Variants in DLGAP5 observed in about 807,000 individuals in gnomAD.
DLGAP5 encodes disks large-associated protein 5.
In DLGAP5, 90 loss-of-function variants were observed where a neutral mutation model predicts 99.6. The ratio of observed to expected loss-of-function variants is 0.90; its 90% CI spans 0.76 to 1.08. The LOEUF (loss-of-function observed/expected upper bound fraction) is 1.08, where lower values mean the gene tolerates loss of function less well. Among genes scored for constraint, DLGAP5 ranks in the 50% least tolerant of loss-of-function variants. The pLI, the probability that DLGAP5 is intolerant of heterozygous loss-of-function variation, is 0.00. For synonymous variants in DLGAP5, 311 were observed against 321.3 expected, an observed-to-expected ratio of 0.97 and a Z score of 0.34; for missense variants, 1,036 against 983.5, an observed-to-expected ratio of 1.05 and a Z score of -0.71.
chr14:55,169,579 T>C lies in DLGAP5; in HGVS notation c.1388-20A>G. On this transcript the variant is annotated intron_variant, in intron 11 of 18. Coordinates refer to ENST00000247191, the MANE Select transcript of DLGAP5 (RefSeq NM_014750.5). ...CTTTAGCTGAAGGAAATAAGAGATT[T>C]TTTAAAATTAAAGGACAAAACGGGA... The C allele has an allele frequency of 6.4e-7, 1 of 1,564,044 alleles. No homozygotes were observed. The highest frequency in any genetic ancestry group is 2.3e-5 in the East Asian group (1 of 43,964).
chr14:55,182,327 G>T, intron 4 of DLGAP5, 43 bp downstream of exon 4: 1 of 1,500,622 alleles, frequency 6.7e-7, no homozygotes, highest in Admixed American at 2.0e-5. Flanking sequence ...CTAAAAAAGT[G>T]CAATTTATCA....
intron 8 of DLGAP5, 128 bp downstream of exon 8, chr14:55,176,934 C>G: frequency 4.1e-6 from 3 of 727,542 alleles, no homozygotes; most frequent in Non-Finnish European, 5.5e-6. Flanking sequence ...GGGGAGATCA[C>G]GCCACTGCAC....
chr14:55,189,086 T>A lies in DLGAP5; in HGVS notation c.94A>T (p.Lys32Ter). Residue 32 changes from lysine (K) to a stop codon, truncating the protein, a stop_gained, in exon 2 of 19, where the codon AAA (lysine) becomes TAA (stop). Coordinates refer to ENST00000247191, the MANE Select transcript of DLGAP5 (RefSeq NM_014750.5). LOFTEE classifies it high-confidence loss of function. ...TCGTATTCCTTATGTCTATTTTCTT[T>A]CTGAGACAGTGATTTCCTATGAGCA... ...KIAHRKSLSQ[K>*]ENRHKEYERN... 6.2e-7 allele frequency: 1 copy of A among 1,614,046 alleles called. No individual in the cohort carries two copies. The highest frequency in any genetic ancestry group is 8.5e-7 in the Non-Finnish European group (1 of 1,179,982).
chr14:55,154,036 AC>A (rs2140304892), intron 15 of DLGAP5, among the ~76,000 whole-genome samples: 1 of 152,330 alleles, frequency 6.6e-6, no homozygotes, highest in East Asian at 1.9e-4. Context: ...AGCCTAGGCA[AC>A]AGAGTGAGAC....
chr14:55,165,663 C>CTGAA (rs1451058867), intron 12 of DLGAP5, among the ~76,000 whole-genome samples: 1 of 152,176 alleles, frequency 6.6e-6, no homozygotes. Context: ...GCAGATAGTA[C>CTGAA]TGAACCCTAT....
intron 15 of DLGAP5, among the ~76,000 whole-genome samples, chr14:55,154,328 A>C (rs1200336174): frequency 1.3e-5 from 2 of 152,240 alleles, no homozygotes; most frequent in Non-Finnish European, 2.9e-5. Flanking sequence ...TTCTCAGCTC[A>C]GAACTGTTGA....
rs747938429 is a variant in DLGAP5 at position 55,158,700 on chromosome 14, A to G, written c.1695T>C (p.Asp565=). 6.2e-7 allele frequency: 1 copy of G among 1,614,036 alleles called. No homozygotes were observed. The highest frequency in any genetic ancestry group is 1.7e-5 in the Admixed American group (1 of 60,008). Residue 565 remains aspartate (D), a synonymous_variant, in exon 14 of 19, where the codon GAT becomes GAC. Transcript: ENST00000247191. Reference sequence around the variant, plus strand: ...TTCTCGCTGCAATTCTTCCAGCATCATCCTGTTTTGGTTTACTTGCTATAC... The same window carrying G: ...TTCTCGCTGCAATTCTTCCAGCATCGTCCTGTTTTGGTTTACTTGCTATAC... ...VSGIASKPKQ[D]DAGRIAARNR... is the part of the protein sequence containing the mutation.
intron 11 of DLGAP5, among the ~76,000 whole-genome samples, chr14:55,169,881 T>C (rs1023701073): frequency 2.6e-5 from 4 of 151,984 alleles, no homozygotes; most frequent in Non-Finnish European, 4.4e-5. Context: ...ATGCCTACAA[T>C]CCCAGCACTT....
chr14:55,187,622 CTTTTCT>C (rs1372343738), intron 2 of DLGAP5, among the ~76,000 whole-genome samples: 5 of 71,838 alleles, frequency 7.0e-5, no homozygotes, highest in East Asian at 4.6e-4. Flanking sequence ...CGACCTGATC[CTTTTCT>C]TTTTTTTTTT....
intron 12 of DLGAP5, among the ~76,000 whole-genome samples, chr14:55,167,253 CAA>C (rs59010875): frequency 2.2e-4 from 20 of 89,784 alleles, no homozygotes; most frequent in Admixed American, 2.5e-4. Flanking sequence ...GACTCCATCT[CAA>C]AAAAAAAAAA....
chr14:55,148,697 C>A, intron 18 of DLGAP5: 1 of 782,994 alleles, frequency 1.3e-6, no homozygotes. Context: ...CAAAAACAAA[C>A]AAACAAGAAA....
intron 1 of DLGAP5, among the ~76,000 whole-genome samples, chr14:55,190,764 G>T (rs1454880211): frequency 6.6e-6 from 1 of 152,160 alleles, no homozygotes; most frequent in Non-Finnish European, 1.5e-5. Flanking sequence ...AAGACCCAAG[G>T]AAAGTGACAA....
intron 15 of DLGAP5, among the ~76,000 whole-genome samples, chr14:55,154,115 A>G (rs551391513): frequency 2.0e-5 from 3 of 152,246 alleles, no homozygotes; most frequent in African/African-American, 7.2e-5. Context: ...TTCAGTACAC[A>G]TTAACTCCCC....
Position 55,154,744 on chromosome 14 carries a change from CT to C in DLGAP5, c.1935del (p.Ala646LeufsTer31). 6.2e-7 allele frequency: 1 copy of C among 1,614,130 alleles called. No homozygotes were observed. Among genetic ancestry groups the C allele is most frequent in the Admixed American group, 1.7e-5 (1 of 60,030 alleles). On this transcript the variant is annotated frameshift_variant, in exon 15 of 19. Transcript: ENST00000247191. LOFTEE classifies it high-confidence loss of function. ...ATCTCATTTCTACTCTGAGATACAG[CT>C]TTGTTGACAGACTTAGGTGTTCCAA... ...QRLGTPKSVNKAVSQSRNEMG... is the reference protein window; with the variant it reads ...QRLGTPKSVNXAVSQSRNEMG...
At chr14:55,165,635 C>T (rs957573235) in intron 12 of DLGAP5, among the ~76,000 whole-genome samples, 1 of 152,144 alleles carries the variant, frequency 6.6e-6, no homozygotes, top group Admixed American at 6.5e-5. Flanking sequence ...TCCAAGACCC[C>T]CAGGGGATGC....
At chr14:55,154,119 A>C (rs1006762736) in intron 15 of DLGAP5, among the ~76,000 whole-genome samples, 4 of 151,080 alleles carry the variant, frequency 2.6e-5, no homozygotes, top group Non-Finnish European at 5.9e-5. Context: ...GTACACATTA[A>C]CTCCCCCCCC....
chr14:55,183,454 C>T, intron 3 of DLGAP5, 106 bp downstream of exon 3: 1 of 942,634 alleles, frequency 1.1e-6, no homozygotes, highest in Non-Finnish European at 1.5e-6. Flanking sequence ...CACCTTCTAC[C>T]AACCAGTTAA....
intron 1 of DLGAP5, chr14:55,191,056 GCT>G (rs1007194469): frequency 7.2e-5 from 11 of 152,208 alleles, no homozygotes; most frequent in African/African-American, 2.7e-4. Flanking sequence ...GGCAGCCCTG[GCT>G]CCACACACAC....
intron 10 of DLGAP5, among the ~76,000 whole-genome samples, chr14:55,171,617 G>A (rs1882862623): frequency 6.6e-6 from 1 of 152,100 alleles, no homozygotes; most frequent in Non-Finnish European, 1.5e-5. Context: ...TTCTACTTCT[G>A]GGTATACACC....
Sources: allele counts gnomAD v4.1 joint callset (sites outside exome capture counted in the v4.1 genomes callset), GRCh38; gene constraint gnomAD v4.1.1; transcripts MANE v1.5; gene names NCBI Gene and HGNC (gene_info 2026-07-23, HGNC 2026-07-21).